The following COBL variants were observed in gnomAD, a reference collection of about 807,000 sequenced individuals.
COBL encodes protein cordon-bleu.
A neutral mutation model predicts 98.8 loss-of-function variants in COBL; 51 were observed. That is an observed-to-expected ratio of 0.52 (90% CI 0.41 to 0.65). The LOEUF (loss-of-function observed/expected upper bound fraction) is 0.65. Among genes scored for constraint, COBL ranks in the 30% least tolerant of loss-of-function variants. The probability of loss-of-function intolerance (pLI) is 0.00; values close to 1 mark genes in which losing one functional copy is unlikely to be tolerated. For synonymous variants in COBL, 634 were observed against 651.7 expected, an observed-to-expected ratio of 0.97 and a Z score of 0.41; for missense variants, 1,617 against 1,617.5, an observed-to-expected ratio of 1.00 and a Z score of 0.01.
intron 1 of COBL, among the ~76,000 whole-genome samples, chr7:51,309,557 T>C (rs1584468340): frequency 6.6e-6 from 1 of 152,180 alleles, no homozygotes; most frequent in African/African-American, 2.4e-5. Context: ...TTAGTGCCAG[T>C]TGATCGGTCT....
chr7:51,309,631 G>T (rs533936811), intron 1 of COBL, among the ~76,000 whole-genome samples: 12 of 152,132 alleles, frequency 7.9e-5, no homozygotes, highest in Non-Finnish European at 1.6e-4. Flanking sequence ...TTTTTTGAAA[G>T]AGGACTCTAG....
chr7:51,227,114 C>T (rs1442616612), intron 1 of COBL, among the ~76,000 whole-genome samples: 1 of 152,132 alleles, frequency 6.6e-6, no homozygotes, highest in Non-Finnish European at 1.5e-5. Flanking sequence ...AACGCTGGTG[C>T]CCTGCAGTGC....
At chr7:51,249,395 G>A (rs1432642227) in intron 1 of COBL, among the ~76,000 whole-genome samples, 1 of 152,202 alleles carries the variant, frequency 6.6e-6, no homozygotes, top group African/African-American at 2.4e-5. Context: ...GGAAAGGTGA[G>A]CGTGAAACCA....
intron 5 of COBL, among the ~76,000 whole-genome samples, chr7:51,173,175 G>T (rs1391470185): frequency 6.9e-6 from 1 of 145,200 alleles, no homozygotes; most frequent in African/African-American, 2.6e-5. Context: ...GGACTTCAAA[G>T]TTTTTTGTTT....
At chr7:51,039,362 G>C (rs1327128708) in intron 8 of COBL, among the ~76,000 whole-genome samples, 1 of 152,192 alleles carries the variant, frequency 6.6e-6, no homozygotes, top group Non-Finnish European at 1.5e-5. Context: ...CTTGAGTCTG[G>C]GCTGTCAGCC....
intron 12 of COBL, among the ~76,000 whole-genome samples, chr7:51,018,589 C>T (rs899480736): frequency 1.3e-5 from 2 of 151,816 alleles, no homozygotes; most frequent in Non-Finnish European, 2.9e-5. Flanking sequence ...ACAAATTCGT[C>T]AACTTTCTTA....
At chr7:51,257,550 A>G (rs1179787962) in intron 1 of COBL, among the ~76,000 whole-genome samples, 1 of 152,252 alleles carries the variant, frequency 6.6e-6, no homozygotes, top group East Asian at 1.9e-4. Flanking sequence ...CATTCTGCAT[A>G]AGAAAGTAGG....
chr7:51,066,269 T>C (rs936347491), intron 7 of COBL, among the ~76,000 whole-genome samples: 1 of 152,200 alleles, frequency 6.6e-6, no homozygotes, highest in Admixed American at 6.5e-5. Context: ...TGTTGTTGGC[T>C]GTGGGCTTAG....
At chr7:51,313,929 G>A (rs1264886793) in intron 1 of COBL, among the ~76,000 whole-genome samples, 2 of 152,198 alleles carry the variant, frequency 1.3e-5, no homozygotes, top group Non-Finnish European at 2.9e-5. Flanking sequence ...AGTCTGACTT[G>A]TTAGTTTTTG....
chr7:51,187,310 G>GCATATA (rs1789622838), intron 4 of COBL, among the ~76,000 whole-genome samples: 1 of 138,434 alleles, frequency 7.2e-6, no homozygotes, highest in Non-Finnish European at 1.6e-5. Context: ...ATATGTTTAA[G>GCATATA]TATATATATA....
intron 1 of COBL, among the ~76,000 whole-genome samples, chr7:51,295,565 T>G (rs140252750): frequency 2.6e-4 from 39 of 152,358 alleles, no homozygotes; most frequent in African/African-American, 9.1e-4. Flanking sequence ...ACAACTACTT[T>G]GCAAGGATTG....
At chr7:51,291,509 C>T (rs767848179) in intron 1 of COBL, among the ~76,000 whole-genome samples, 8 of 152,130 alleles carry the variant, frequency 5.3e-5, no homozygotes, top group Non-Finnish European at 8.8e-5. Context: ...GCCTGTAATC[C>T]TAACACTTTG....
chr7:51,030,698 C>T (rs552780415), intron 9 of COBL, 114 bp downstream of exon 9: 100 of 717,238 alleles, frequency 1.4e-4, no homozygotes, highest in Admixed American at 5.6e-4. Flanking sequence ...CCTGGAATTC[C>T]TTCTGAAGGC....
At chr7:51,094,235 G>C (rs532168373) in intron 6 of COBL, among the ~76,000 whole-genome samples, 1 of 151,842 alleles carries the variant, frequency 6.6e-6, no homozygotes, top group Non-Finnish European at 1.5e-5. Flanking sequence ...GTAGAGGAGA[G>C]AGAGGAAAAG....
chr7:51,176,733 CTT>C (rs1788414784), intron 5 of COBL, among the ~76,000 whole-genome samples: 1 of 152,166 alleles, frequency 6.6e-6, no homozygotes, highest in Non-Finnish European at 1.5e-5. Flanking sequence ...TCCAAATGTC[CTT>C]TTGAACTAGT....
intron 5 of COBL, among the ~76,000 whole-genome samples, chr7:51,147,401 A>T (rs1383105698): frequency 1.3e-5 from 2 of 152,228 alleles, no homozygotes; most frequent in Non-Finnish European, 2.9e-5. Context: ...GGGTACACTC[A>T]CCAGCAGTTT....
intron 5 of COBL, chr7:51,172,404 C>A: frequency 1.7e-6 from 2 of 1,160,680 alleles, no homozygotes; most frequent in Admixed American, 2.5e-5. Context: ...TCGCGCAAAG[C>A]AAGAAGTTCC....
intron 1 of COBL, among the ~76,000 whole-genome samples, chr7:51,292,885 C>A (rs1269789652): frequency 3.3e-5 from 5 of 152,264 alleles, no homozygotes; most frequent in Admixed American, 3.3e-4. Flanking sequence ...GTTTCATGCA[C>A]CCCACAGCCA....
intron 1 of COBL, among the ~76,000 whole-genome samples, chr7:51,267,575 TTTG>T (rs768412439): frequency 4.6e-5 from 7 of 152,198 alleles, no homozygotes; most frequent in South Asian, 2.1e-4. Context: ...AAAAAGAACT[TTTG>T]TTGTTGTTGT....
Sources: allele counts gnomAD v4.1 joint callset (sites outside exome capture counted in the v4.1 genomes callset), GRCh38; gene constraint gnomAD v4.1.1; transcripts MANE v1.5; gene names NCBI Gene and HGNC (gene_info 2026-07-23, HGNC 2026-07-21).